The following C1QTNF5 variants were observed in gnomAD, a reference collection of about 807,000 sequenced individuals.
C1QTNF5 encodes the protein complement C1q tumor necrosis factor-related protein 5.
A neutral mutation model predicts 10.9 loss-of-function variants in C1QTNF5; 5 were observed. The ratio of observed to expected loss-of-function variants is 0.46; its 90% CI spans 0.24 to 0.97. The LOEUF is 0.97. C1QTNF5 is among the 50% of genes least tolerant of loss of function. C1QTNF5 has a pLI of 0.19. For missense variants in C1QTNF5, 281 were observed against 339.4 expected, an observed-to-expected ratio of 0.83 and a Z score of 1.35; for synonymous variants, 161 against 156.5, an observed-to-expected ratio of 1.03 and a Z score of -0.22.
At chr11:119,346,632 G>C in the C1QTNF5 span, 4 of 1,027,932 alleles carry the variant, frequency 3.9e-6, no homozygotes, top group Non-Finnish European at 3.0e-6. Context: ...GAGGGAAAAG[G>C]CTGCCAGGCT....
chr11:119,339,935 C>T lies in C1QTNF5; in HGVS notation c.215-87G>A, dbSNP rs980395095. On this transcript the variant is annotated intron_variant, in intron 2 of 2. Transcript: ENST00000528368. The surrounding 1 kb of genome is among the most constrained non-coding windows in gnomAD (Gnocchi z 5.4). Reference sequence around the variant, plus strand: ...GACTCTAAGGTCACCGTACCCCTCCCCGCCCCTGCCTGAGCTTCGGCCAGC... The same window carrying T: ...GACTCTAAGGTCACCGTACCCCTCCTCGCCCCTGCCTGAGCTTCGGCCAGC... The T allele has an allele frequency of 7.1e-7, 1 of 1,398,974 alleles. No homozygotes were observed. The highest frequency in any genetic ancestry group is 1.5e-5 in the African/African-American group (1 of 66,614). The allele number at this position is 1,398,974 out of a possible 1,614,324, so 86.7% of individuals were successfully genotyped here.
upstream of C1QTNF5, chr11:119,345,663 T>C (rs757097907): frequency 9.3e-6 from 15 of 1,612,444 alleles, no homozygotes; most frequent in African/African-American, 1.3e-5. Context: ...AGTTCAGAGG[T>C]CAAAAGGAGT....
upstream of C1QTNF5, chr11:119,343,023 G>T: frequency 1.3e-6 from 2 of 1,588,538 alleles, no homozygotes; most frequent in Non-Finnish European, 8.6e-7. Flanking sequence ...GCAGACAGCT[G>T]TTCTGGGCAC....
At chr11:119,345,073 G>A (rs1950546759), upstream of C1QTNF5, 6 of 1,555,180 alleles carry the variant, frequency 3.9e-6, no homozygotes, top group Non-Finnish European at 5.2e-6. Context: ...AGCTTGCCTG[G>A]GCCTTGCAGT....
At chr11:119,343,749 A>C, upstream of C1QTNF5, 6 of 1,596,252 alleles carry the variant, frequency 3.8e-6, no homozygotes, top group Non-Finnish European at 5.1e-6. Flanking sequence ...TGCTGGGCCG[A>C]CATGGAAGCC....
chr11:119,344,560 A>G (rs1362998094), upstream of C1QTNF5: 2 of 1,610,970 alleles, frequency 1.2e-6, no homozygotes, highest in East Asian at 2.2e-5. Flanking sequence ...TTGAGGCTGG[A>G]CCAGAGCTGG....
upstream of C1QTNF5, chr11:119,345,841 G>T (rs200862830): frequency 6.2e-7 from 1 of 1,613,996 alleles, no homozygotes; most frequent in Non-Finnish European, 8.5e-7. Context: ...CTGAGAGGTG[G>T]TGATGGTGGG....
At chr11:119,340,510 G>C in intron 1 of C1QTNF5, 70 bp from the exon 2 acceptor site, 2 of 1,196,526 alleles carry the variant, frequency 1.7e-6, no homozygotes, top group Middle Eastern at 2.7e-4. Flanking sequence ...ACCCCGGCGC[G>C]GCCCAGTCGG....
the C1QTNF5 span, chr11:119,346,311 G>A: frequency 1.9e-6 from 3 of 1,613,980 alleles, no homozygotes; most frequent in Non-Finnish European, 1.7e-6. Context: ...GCATCCTCTG[G>A]GAAAACTGGG....
chr11:119,346,223 G>C, the C1QTNF5 span: 27 of 1,569,572 alleles, frequency 1.7e-5, no homozygotes, highest in Non-Finnish European at 2.3e-5. Flanking sequence ...GCTGTCCTTG[G>C]CTCCTGGGCC....
At chr11:119,346,571 G>A in the C1QTNF5 span, 1 of 1,571,250 alleles carries the variant, frequency 6.4e-7, no homozygotes, top group Non-Finnish European at 8.8e-7. Flanking sequence ...ACCCCCAAGG[G>A]CCCACTCGCT....
At chr11:119,344,651 A>G (rs1234799480), upstream of C1QTNF5, 9 of 1,614,050 alleles carry the variant, frequency 5.6e-6, no homozygotes, top group Non-Finnish European at 7.6e-6. Flanking sequence ...TGGCACTGCA[A>G]TTGGTCTCAT....
upstream of C1QTNF5, chr11:119,342,521 CTG>C (rs1950512220): frequency 1.3e-6 from 2 of 1,579,454 alleles, no homozygotes; most frequent in Admixed American, 1.8e-5. Flanking sequence ...GGATGGGACA[CTG>C]TGCAGTACGG....
rs775635534 is a variant in C1QTNF5, at chr11:119,339,625, C to T, written c.438G>A (p.Gln146=). Residue 146 remains glutamine (Q), a synonymous_variant, in exon 3 of 3, where the codon CAG becomes CAA. Transcript: ENST00000528368. The surrounding 1 kb of genome is among the most constrained non-coding windows in gnomAD (Gnocchi z 5.4). ...YDAVTGKFTC[Q]VPGVYYFAVH... The stretch of plus-strand genomic sequence containing the variant: ...CGGCGAAGTAGTAGACCCCAGGCAC[C>T]TGGCAGGTGAACTTGCCGGTGACGG... 1 of 1,613,098 alleles carries T rather than the reference C, an allele frequency of 6.2e-7. No individual in the cohort carries two copies. The highest frequency in any genetic ancestry group is 8.5e-7 in the Non-Finnish European group (1 of 1,180,042).
At position 119,339,686 on chromosome 11, in the gene C1QTNF5, T is replaced by A; in HGVS notation, c.377A>T (p.Asp126Val). 2 of 1,609,862 alleles carry A rather than the reference T, an allele frequency of 1.2e-6. No individual in the cohort carries two copies. The highest frequency in any genetic ancestry group is 1.7e-6 in the Non-Finnish European group (2 of 1,179,854). ...TCCCTGCTCGTTCACCAGCACGCGGTCGAAGGGCAAGGGTGCGTCAGACGG... is the reference window on the plus strand; with the variant it reads ...TCCCTGCTCGTTCACCAGCACGCGGACGAAGGGCAAGGGTGCGTCAGACGG... ...PPPSDAPLPFDRVLVNEQGHY... is the reference protein window; with the variant it reads ...PPPSDAPLPFVRVLVNEQGHY... The change falls in exon 3 of 3, where the codon GAC becomes GTC. Residue 126 changes from aspartate to valine, a missense_variant. Coordinates refer to ENST00000528368, the MANE Select transcript of C1QTNF5 (RefSeq NM_001278431.2). This position sits in a 1 kb window ranked among gnomAD's most constrained non-coding sequence, Gnocchi z 5.4.
chr11:119,339,004 G>A lies in C1QTNF5; in HGVS notation c.*327C>T, dbSNP rs1950468030. 2 of 281,170 alleles carry A rather than the reference G, an allele frequency of 7.1e-6. No individual in the cohort carries two copies. The highest frequency in any genetic ancestry group is 1.3e-5 in the Non-Finnish European group (2 of 148,856). The allele number at this position is 281,170 out of a possible 1,614,324, so 17.4% of individuals were successfully genotyped here. On this transcript the variant is annotated 3_prime_UTR_variant, in exon 3 of 3. Coordinates refer to ENST00000528368, the MANE Select transcript of C1QTNF5 (RefSeq NM_001278431.2). The surrounding 1 kb of genome is among the most constrained non-coding windows in gnomAD (Gnocchi z 5.4). ...GGGCCGGCCCCAGGAGCAGGAGGGG[G>A]TGGGGAGGATCCAGAGAAGCAGAGG...
chr11:119,345,630 C>T, upstream of C1QTNF5: 1 of 1,613,604 alleles, frequency 6.2e-7, no homozygotes. Context: ...GAGGCCTCCA[C>T]AGGCTGCAGA....
At chr11:119,346,392 T>C in the C1QTNF5 span, 1 of 1,613,742 alleles carries the variant, frequency 6.2e-7, no homozygotes, top group Admixed American at 1.7e-5. Flanking sequence ...GGGGAGATAC[T>C]TGAGGGCTGA....
chr11:119,340,600 G>A (rs1041371446), intron 1 of C1QTNF5, 95 bp downstream of exon 1: 8 of 582,286 alleles, frequency 1.4e-5, no homozygotes, highest in Non-Finnish European at 2.4e-5. Context: ...GCGCGAGAGG[G>A]TGGGAGCGGC....
Sources: gnomAD v4.1 joint callset for allele counts on GRCh38, gnomAD v4.1.1 for gene constraint, Gnocchi (gnomAD v3.1) non-coding constraint, MANE v1.5 for transcripts, NCBI Gene and HGNC (gene_info 2026-07-23, HGNC 2026-07-21) for gene names.